FRMD3: variants seen among roughly 807,000 people sequenced by gnomAD.
FRMD3 encodes FERM domain containing 3.
Under a neutral mutation model 70.2 loss-of-function variants are expected in FRMD3, and 33 were observed. The observed-to-expected ratio is 0.47, with a 90% CI of 0.36 to 0.63. The LOEUF is 0.63. FRMD3 is among the 20% of genes least tolerant of loss of function. The pLI is 0.00. For missense variants in FRMD3, 632 were observed against 711.4 expected (o/e 0.89, Z 1.27); for synonymous variants, 279 against 255.9 (o/e 1.09, Z -0.86).
At chr9:83,315,507 G>A (rs574256866) in intron 6 of FRMD3, among the ~76,000 whole-genome samples, 22 of 152,174 alleles carry the variant, frequency 1.4e-4, no homozygotes, top group African/African-American at 1.7e-4. Context: ...TGCTGTTCTC[G>A]GGATAGTGAG....
At chr9:83,474,055 T>C (rs1482940906) in intron 1 of FRMD3, among the ~76,000 whole-genome samples, 1 of 152,224 alleles carries the variant, frequency 6.6e-6, no homozygotes, top group Non-Finnish European at 1.5e-5. Flanking sequence ...CAAGGAGCTG[T>C]GTACAGTATG....
chr9:83,275,983 G>A (rs1232824979), intron 13 of FRMD3: 1 of 152,230 alleles, frequency 6.6e-6, no homozygotes, highest in Non-Finnish European at 1.5e-5. Flanking sequence ...AGGTTCATCC[G>A]AGGCACAATT....
At chr9:83,473,116 C>T (rs974458843) in intron 1 of FRMD3, among the ~76,000 whole-genome samples, 5 of 152,160 alleles carry the variant, frequency 3.3e-5, no homozygotes, top group Non-Finnish European at 5.9e-5. Context: ...GATGTTCCCC[C>T]TTTGTATATG....
At chr9:83,570,597 A>G in the FRMD3 span, among the ~76,000 whole-genome samples, 19 of 152,212 alleles carry the variant, frequency 1.2e-4, no homozygotes, top group Non-Finnish European at 1.5e-5. Context: ...AAGTAGCAGG[A>G]TTTCAAGTCA....
intron 3 of FRMD3, among the ~76,000 whole-genome samples, chr9:83,354,116 G>A (rs1296235403): frequency 2.0e-5 from 3 of 152,086 alleles, no homozygotes; most frequent in Non-Finnish European, 4.4e-5. Context: ...AGTAGAGACA[G>A]GGTTTCACCA....
chr9:83,261,498 C>T (rs1430085615), intron 13 of FRMD3, among the ~76,000 whole-genome samples: 1 of 152,150 alleles, frequency 6.6e-6, no homozygotes, highest in African/African-American at 2.4e-5. Context: ...TCTGAGGTTC[C>T]ATACTCTCTT....
the FRMD3 span, among the ~76,000 whole-genome samples, chr9:83,557,454 G>A: frequency 1.2e-4 from 19 of 152,194 alleles, no homozygotes; most frequent in Non-Finnish European, 2.2e-4. Context: ...CTGCCTGCAT[G>A]GAAATTGTCA....
intron 13 of FRMD3, among the ~76,000 whole-genome samples, chr9:83,272,569 C>T (rs1833608967): frequency 6.6e-6 from 1 of 151,938 alleles, no homozygotes; most frequent in East Asian, 1.9e-4. Context: ...GGCCGCCCAT[C>T]GTCTGGGATG....
At chr9:83,318,164 G>A (rs1381363527) in intron 6 of FRMD3, among the ~76,000 whole-genome samples, 1 of 152,058 alleles carries the variant, frequency 6.6e-6, no homozygotes, top group African/African-American at 2.4e-5. Flanking sequence ...GATTTCCTAT[G>A]TGCATATATT....
intron 1 of FRMD3, among the ~76,000 whole-genome samples, chr9:83,406,725 G>A (rs879305185): frequency 5.3e-5 from 8 of 152,218 alleles, no homozygotes; most frequent in Non-Finnish European, 1.0e-4. Context: ...TCCTTATTTG[G>A]TGGTCAGTAA....
At chr9:83,515,202 C>T (rs1187273006) in intron 1 of FRMD3, among the ~76,000 whole-genome samples, 1 of 152,076 alleles carries the variant, frequency 6.6e-6, no homozygotes, top group Non-Finnish European at 1.5e-5. Flanking sequence ...TAACCTAATG[C>T]AAGGAAGCTA....
chr9:83,511,298 T>G (rs1412985407), intron 1 of FRMD3, among the ~76,000 whole-genome samples: 1 of 152,132 alleles, frequency 6.6e-6, no homozygotes, highest in East Asian at 1.9e-4. Context: ...ATTTCCCCAG[T>G]AGCATAACAG....
chr9:83,312,529 GAAAT>G (rs1417175086), intron 7 of FRMD3, among the ~76,000 whole-genome samples: 1 of 152,150 alleles, frequency 6.6e-6, no homozygotes, highest in Non-Finnish European at 1.5e-5. Flanking sequence ...CAGTCTCCAA[GAAAT>G]AAATAAAATA....
chr9:83,454,771 GC>G (rs1408976094), intron 1 of FRMD3, among the ~76,000 whole-genome samples: 1 of 152,138 alleles, frequency 6.6e-6, no homozygotes, highest in East Asian at 1.9e-4. Context: ...AGCTTGCAGG[GC>G]TTTTATGCCT....
intron 6 of FRMD3, among the ~76,000 whole-genome samples, chr9:83,324,957 T>C (rs1835952583): frequency 6.6e-6 from 1 of 152,228 alleles, no homozygotes; most frequent in Non-Finnish European, 1.5e-5. Context: ...CTGCCTGCTC[T>C]CCTGCGTGCC....
At chr9:83,250,995 G>A (rs976006275) in intron 13 of FRMD3, among the ~76,000 whole-genome samples, 7 of 152,212 alleles carry the variant, frequency 4.6e-5, no homozygotes, top group African/African-American at 1.7e-4. Flanking sequence ...CAGCACACAT[G>A]CTCTACCAAA....
chr9:83,541,433 G>T (rs2210381), upstream of FRMD3, among the ~76,000 whole-genome samples: 36,329 of 152,154 alleles, frequency 0.24, 4,717 homozygotes, highest in Admixed American at 0.32. Context: ...AAGATCCAAA[G>T]AATCAAGGAG....
chr9:83,544,894 C>A, the FRMD3 span, among the ~76,000 whole-genome samples: 1 of 151,950 alleles, frequency 6.6e-6, no homozygotes, highest in Non-Finnish European at 1.5e-5. Flanking sequence ...CTTGTCCAAA[C>A]AAAAGTAAAT....
At chr9:83,320,719 A>AT (rs1167521626) in intron 6 of FRMD3, among the ~76,000 whole-genome samples, 1 of 152,046 alleles carries the variant, frequency 6.6e-6, no homozygotes, top group Non-Finnish European at 1.5e-5. Flanking sequence ...CTCATCTTCT[A>AT]TTTTTTAGAA....
Sources: allele counts gnomAD v4.1 joint callset (sites outside exome capture counted in the v4.1 genomes callset), GRCh38; gene constraint gnomAD v4.1.1; transcripts MANE v1.5; gene names NCBI Gene and HGNC (gene_info 2026-07-23, HGNC 2026-07-21).